The following LMNTD1 variants were observed in gnomAD, a reference collection of about 807,000 sequenced individuals.
The protein encoded by LMNTD1 is lamin tail domain containing 1.
In LMNTD1, 35 loss-of-function variants were observed where a neutral mutation model predicts 50.9. The observed-to-expected ratio is 0.69, with a 90% CI of 0.53 to 0.91. LMNTD1 has a LOEUF of 0.91. Ranked by LOEUF, LMNTD1 falls within the 40% of genes least tolerant of loss-of-function variation. LMNTD1 has a pLI of 0.00. For synonymous variants in LMNTD1, 153 were observed against 161.9 expected (o/e 0.94, Z 0.42); for missense variants, 470 against 475.5 (o/e 0.99, Z 0.11).
At chr12:25,571,779 C>T (rs1944809796) in intron 1 of LMNTD1, among the ~76,000 whole-genome samples, 1 of 152,244 alleles carries the variant, frequency 6.6e-6, no homozygotes, top group South Asian at 2.1e-4. Context: ...AAGCAATTCT[C>T]GTGCCTCAGT....
intron 1 of LMNTD1, among the ~76,000 whole-genome samples, chr12:25,596,797 G>C (rs147357545): frequency 1.3e-5 from 2 of 152,100 alleles, no homozygotes; most frequent in East Asian, 3.9e-4. Context: ...TGGTGTTTAA[G>C]CTACTCTTAC....
intron 9 of LMNTD1, among the ~76,000 whole-genome samples, chr12:25,490,750 C>A (rs1938856024): frequency 6.6e-6 from 1 of 152,184 alleles, no homozygotes; most frequent in African/African-American, 2.4e-5. Context: ...TATAAAGATA[C>A]TGTGAACCTA....
At chr12:25,644,698 A>T (rs1947027729) in intron 1 of LMNTD1, among the ~76,000 whole-genome samples, 1 of 152,198 alleles carries the variant, frequency 6.6e-6, no homozygotes, top group African/African-American at 2.4e-5. Flanking sequence ...CACCATGTGG[A>T]GAAAGCCATA....
intron 1 of LMNTD1, among the ~76,000 whole-genome samples, chr12:25,615,110 A>G (rs946461890): frequency 6.6e-6 from 1 of 152,240 alleles, no homozygotes; most frequent in Admixed American, 6.5e-5. Context: ...AGCCTGTAAT[A>G]GTGGCCAAAC....
intron 1 of LMNTD1, among the ~76,000 whole-genome samples, chr12:25,630,912 G>A (rs981379860): frequency 1.3e-5 from 2 of 152,102 alleles, no homozygotes; most frequent in African/African-American, 2.4e-5. Flanking sequence ...GCTGGGAGGC[G>A]GGTAGCCTGT....
At chr12:25,518,685 T>C in intron 8 of LMNTD1, 110 bp downstream of exon 8, 1 of 928,656 alleles carries the variant, frequency 1.1e-6, no homozygotes, top group Non-Finnish European at 1.7e-6. Flanking sequence ...TTCTTGAGAA[T>C]ATGAATCATC....
At chr12:25,617,609 G>A (rs1243805040) in intron 1 of LMNTD1, among the ~76,000 whole-genome samples, 1 of 151,740 alleles carries the variant, frequency 6.6e-6, no homozygotes, top group East Asian at 1.9e-4. Context: ...GGGGAAGGGG[G>A]GACAAAGAAA....
At chr12:25,496,175 T>C (rs185874675) in intron 9 of LMNTD1, among the ~76,000 whole-genome samples, 93 of 152,146 alleles carry the variant, frequency 6.1e-4, no homozygotes, top group Non-Finnish European at 1.1e-3. Flanking sequence ...ATTACAAATC[T>C]TTGAGGAAAA....
intron 1 of LMNTD1, chr12:25,630,582 T>C (rs1332962991): frequency 6.6e-6 from 1 of 152,194 alleles, no homozygotes; most frequent in Non-Finnish European, 1.5e-5. Flanking sequence ...GCAGGAGACG[T>C]TTCCAACCTT....
chr12:25,527,681 T>TATATATATATATAC (rs1463259109), intron 4 of LMNTD1, among the ~76,000 whole-genome samples: 8 of 32,340 alleles, frequency 2.5e-4, no homozygotes, highest in Non-Finnish European at 4.7e-4. Flanking sequence ...TATATATATA[T>TATATATATATATAC]ACACACACAC....
At chr12:25,541,999 C>G (rs75344683) in intron 4 of LMNTD1, among the ~76,000 whole-genome samples, 243 of 151,896 alleles carry the variant, frequency 1.6e-3, no homozygotes, top group African/African-American at 5.7e-3. Context: ...CATCAGAGAC[C>G]TGCAAATCAA....
Position 25,480,075 on chromosome 12 carries a change from T to C in LMNTD1, c.*23-3615A>G, listed in dbSNP as rs377304971. Among the ~76,000 whole-genome samples, 28 of 152,312 alleles carry C rather than the reference T, an allele frequency of 1.8e-4. 1 individual carries two copies. The highest frequency in any genetic ancestry group is 4.8e-4 in the African/African-American group (20 of 41,568). On this transcript the variant is annotated intron_variant, in intron 9 of 9. Coordinates refer to ENST00000458174, the MANE Select transcript of LMNTD1 (RefSeq NM_001145728.2). ...AGAGTGCATCCTATCCACTTGATTA[T>C]TAAAATCCTCCTCTGCTGAGGTCAC...
At position 25,625,792 on chromosome 12, in the gene LMNTD1, C is replaced by G. The variant is rs914021606; in HGVS notation, c.58+22702G>C. Among the ~76,000 whole-genome samples the G allele has an allele frequency of 2.6e-5, 4 of 152,222 alleles. No homozygotes were observed. The East Asian group carries it at 5.8e-4, about 22-fold the overall frequency. On this transcript the variant is annotated intron_variant, in intron 1 of 7. Transcript: ENST00000445693. Reference sequence around the variant, plus strand: ...CTGCTGGGCCTTGGCCTCACCACCACCAAGACAGGCTGGAGAGACAACCCC... The same window carrying G: ...CTGCTGGGCCTTGGCCTCACCACCAGCAAGACAGGCTGGAGAGACAACCCC...
intron 3 of LMNTD1, among the ~76,000 whole-genome samples, chr12:25,547,070 T>C (rs757553803): frequency 3.3e-5 from 5 of 151,692 alleles, no homozygotes; most frequent in Non-Finnish European, 7.4e-5. Context: ...ATTAGAAAGA[T>C]AAAGTCATGC....
At chr12:25,532,062 G>A (rs984876445) in intron 4 of LMNTD1, among the ~76,000 whole-genome samples, 4 of 151,946 alleles carry the variant, frequency 2.6e-5, no homozygotes, top group African/African-American at 9.6e-5. Flanking sequence ...TTGAAATCCT[G>A]GTCAGAAGAC....
chr12:25,488,643 A>AT (rs1472894088), intron 9 of LMNTD1, among the ~76,000 whole-genome samples: 68 of 151,938 alleles, frequency 4.5e-4, no homozygotes, highest in Admixed American at 7.2e-4. Context: ...CGTCAAAGTC[A>AT]TTCTCCATCC....
chr12:25,527,300 A>C (rs1941795892), intron 4 of LMNTD1, among the ~76,000 whole-genome samples: 1 of 150,570 alleles, frequency 6.6e-6, no homozygotes, highest in Admixed American at 6.6e-5. Flanking sequence ...AACTCTCAAA[A>C]GTAGATCAAG....
At chr12:25,484,580 T>G (rs1938554024) in intron 9 of LMNTD1, among the ~76,000 whole-genome samples, 1 of 151,324 alleles carries the variant, frequency 6.6e-6, no homozygotes, top group South Asian at 2.1e-4. Context: ...TGTATACATG[T>G]GCCGTGCTGG....
At chr12:25,484,241 C>T (rs1194594394) in intron 9 of LMNTD1, among the ~76,000 whole-genome samples, 2 of 151,826 alleles carry the variant, frequency 1.3e-5, no homozygotes, top group African/African-American at 2.4e-5. Context: ...CATGAATATG[C>T]TTCTTGAAGC....
Sources: allele counts gnomAD v4.1 joint callset (sites outside exome capture counted in the v4.1 genomes callset), GRCh38; gene constraint gnomAD v4.1.1; transcripts MANE v1.5; gene names NCBI Gene and HGNC (gene_info 2026-07-23, HGNC 2026-07-21).